KRABD3: variants seen among roughly 807,000 people sequenced by gnomAD.
KRABD3 encodes the protein KRAB domain-containing protein 3.
At chr7:149,719,774 A>G in the KRABD3 span, 2 of 1,390,606 alleles carry the variant, frequency 1.4e-6, no homozygotes, top group Non-Finnish European at 1.9e-6. The surrounding 1 kb of genome is among the most constrained non-coding windows in gnomAD (Gnocchi z 5.6). Flanking sequence ...CCACCTGAGA[A>G]ATGAACACGG....
chr7:149,724,830 C>G, the KRABD3 span: 168 of 1,588,224 alleles, frequency 1.1e-4, 1 homozygote, highest in East Asian at 3.5e-3. Context: ...CCCAACCCAG[C>G]TGGGGCCCTG....
chr7:149,724,790 C>T, the KRABD3 span: 2 of 1,594,808 alleles, frequency 1.3e-6, no homozygotes, highest in South Asian at 1.1e-5. Context: ...CCCCTCAGTC[C>T]CTCAGCCACT....
chr7:149,725,322 T>G, the KRABD3 span: 1 of 1,586,420 alleles, frequency 6.3e-7, no homozygotes, highest in Non-Finnish European at 8.6e-7. Flanking sequence ...CAGCTGCCAG[T>G]GCCTCAAGCT....
the KRABD3 span, chr7:149,729,352 T>A: frequency 6.6e-7 from 1 of 1,524,652 alleles, no homozygotes; most frequent in South Asian, 1.3e-5. Flanking sequence ...GCCAGGAGTG[T>A]GGAGGTGGCT....
At chr7:149,722,629 C>T in the KRABD3 span, 350 of 1,518,876 alleles carry the variant, frequency 2.3e-4, 5 homozygotes, top group South Asian at 3.6e-3. Flanking sequence ...CATGCTGCTC[C>T]GCCGCCTGGG....
chr7:149,721,612 T>C, the KRABD3 span: 8 of 1,481,626 alleles, frequency 5.4e-6, no homozygotes, highest in African/African-American at 1.4e-5. Flanking sequence ...ACCTGGACCC[T>C]GTGCCCTCTT....
At chr7:149,727,481 C>T in the KRABD3 span, among the ~76,000 whole-genome samples, 1 of 152,162 alleles carries the variant, frequency 6.6e-6, no homozygotes, top group African/African-American at 2.4e-5. Context: ...CACTCCAGCC[C>T]CTCCTGCCAC....
At chr7:149,730,953 G>T in the KRABD3 span, among the ~76,000 whole-genome samples, 1 of 152,246 alleles carries the variant, frequency 6.6e-6, no homozygotes, top group African/African-American at 2.4e-5. Context: ...TTCTTGGAGA[G>T]TGTCCCATTA....
At chr7:149,724,922 C>A in the KRABD3 span, 1 of 1,294,212 alleles carries the variant, frequency 7.7e-7, no homozygotes, top group Non-Finnish European at 1.0e-6. Flanking sequence ...TTCCACTAAC[C>A]CCAGGGAAGC....
the KRABD3 span, chr7:149,724,892 C>T: frequency 6.8e-7 from 1 of 1,463,848 alleles, no homozygotes; most frequent in Non-Finnish European, 9.1e-7. Flanking sequence ...TCCCCATGGG[C>T]TTGTCAGTCC....
the KRABD3 span, chr7:149,728,626 C>G: frequency 6.2e-7 from 1 of 1,613,546 alleles, no homozygotes; most frequent in Non-Finnish European, 8.5e-7. Context: ...CAGCAGCAGA[C>G]AGGGGACCGA....
At chr7:149,727,040 C>T in the KRABD3 span, among the ~76,000 whole-genome samples, 33 of 152,328 alleles carry the variant, frequency 2.2e-4, no homozygotes, top group South Asian at 1.4e-3. Context: ...AACATTTCAG[C>T]GTGTGCTTGG....
the KRABD3 span, chr7:149,731,753 G>A: frequency 6.2e-7 from 1 of 1,611,454 alleles, no homozygotes; most frequent in Non-Finnish European, 8.5e-7. Context: ...CTGGAGCTTG[G>A]ACATGGAAGA....
At chr7:149,730,695 T>C in the KRABD3 span, 9 of 1,211,236 alleles carry the variant, frequency 7.4e-6, no homozygotes, top group African/African-American at 4.6e-5. Flanking sequence ...ACATTGGCCG[T>C]GCTTTAGTTC....
At chr7:149,733,186 G>A in the KRABD3 span, 13 of 1,571,418 alleles carry the variant, frequency 8.3e-6, no homozygotes, top group African/African-American at 2.7e-5. Flanking sequence ...AACTCTGACC[G>A]GTCCTTGCTC....
chr7:149,720,034 G>A, the KRABD3 span: 1 of 1,550,880 alleles, frequency 6.4e-7, no homozygotes, highest in Non-Finnish European at 8.7e-7. Flanking sequence ...CCCCCTCTCT[G>A]CTTTCCTGTC....
At chr7:149,730,636 CTT>C in the KRABD3 span, 1 of 1,547,388 alleles carries the variant, frequency 6.5e-7, no homozygotes, top group Non-Finnish European at 8.7e-7. Flanking sequence ...AGACTGGATC[CTT>C]TGAGTCCTGC....
chr7:149,721,017 G>A, the KRABD3 span: 8 of 1,610,596 alleles, frequency 5.0e-6, no homozygotes, highest in East Asian at 4.5e-5. Context: ...GGCAGTGCAC[G>A]CAGCCTCCTC....
chr7:149,729,912 G>A, the KRABD3 span: 3 of 1,266,160 alleles, frequency 2.4e-6, no homozygotes, highest in Non-Finnish European at 9.9e-7. Context: ...AAGGACTGGA[G>A]ACTTCCAGAA....
Sources: gnomAD v4.1 joint callset for allele counts (sites outside exome capture counted in the v4.1 genomes callset) on GRCh38, gnomAD v4.1.1 for gene constraint, Gnocchi (gnomAD v3.1) non-coding constraint, MANE v1.5 for transcripts, NCBI Gene and HGNC (gene_info 2026-07-23, HGNC 2026-07-21) for gene names.